TENM4: variants seen among roughly 807,000 people sequenced by gnomAD.
The protein encoded by TENM4 is teneurin transmembrane protein 4.
In TENM4, 82 loss-of-function variants were observed where a neutral mutation model predicts 243.3. That is an observed-to-expected ratio of 0.34 (90% CI 0.28 to 0.40). The LOEUF (loss-of-function observed/expected upper bound fraction) is 0.40. Ranked by LOEUF, TENM4 falls within the 10% of genes least tolerant of loss-of-function variation. The pLI, the probability that TENM4 is intolerant of heterozygous loss-of-function variation, is 1.00. For missense variants in TENM4, 3,138 were observed against 3,673.3 expected (o/e 0.85, Z 3.77); for synonymous variants, 1,412 against 1,456.3 (o/e 0.97, Z 0.69).
chr11:79,078,357 G>A (rs1393354104), intron 4 of TENM4, among the ~76,000 whole-genome samples: 2 of 152,182 alleles, frequency 1.3e-5, no homozygotes, highest in African/African-American at 2.4e-5. Context: ...TAGCATCTGT[G>A]TGTGTGTGTG....
At chr11:79,161,639 C>A (rs34472659) in intron 3 of TENM4, among the ~76,000 whole-genome samples, 26,136 of 152,160 alleles carry the variant, frequency 0.17, 2,722 homozygotes, top group Non-Finnish European at 0.23. Flanking sequence ...CTCTCAGAGC[C>A]TCCAGAAGGA....
At chr11:79,230,059 T>G (rs1864346509) in intron 2 of TENM4, among the ~76,000 whole-genome samples, 1 of 150,910 alleles carries the variant, frequency 6.6e-6, no homozygotes, top group Admixed American at 6.6e-5. Context: ...TGGTTCTACA[T>G]CCTTTACAGT....
Position 78,702,389 on chromosome 11 carries a change from C to A in TENM4, c.4224G>T (p.Trp1408Cys). 2 of 1,611,324 alleles carry A rather than the reference C, an allele frequency of 1.2e-6. No individual in the cohort carries two copies. The highest frequency in any genetic ancestry group is 1.7e-6 in the Non-Finnish European group (2 of 1,178,310). ...VMDISQVHLE[W>C]PTDLAINPMD... is the part of the protein sequence containing the mutation. ...TTGGGTTGATGGCTAAGTCTGTGGG[C>A]CACTCCAGGTGAACCTGACAATGAA... Residue 1408 changes from tryptophan (W) to cysteine (C), a missense_variant, in exon 28 of 34, where the codon TGG becomes TGT. This residue lies in a region of TENM4 where 2,467 missense variants were observed against 3,059.1 expected (regional missense o/e 0.81). Coordinates refer to ENST00000278550, the MANE Select transcript of TENM4 (RefSeq NM_001098816.3).
chr11:78,953,960 C>T (rs780846999), intron 6 of TENM4, among the ~76,000 whole-genome samples: 3 of 152,242 alleles, frequency 2.0e-5, no homozygotes, highest in Non-Finnish European at 2.9e-5. Context: ...CATTGCTCCA[C>T]ATTGTGCCAT....
At chr11:79,411,383 AG>A (rs1191867152) in intron 1 of TENM4, among the ~76,000 whole-genome samples, 3 of 152,228 alleles carry the variant, frequency 2.0e-5, no homozygotes, top group Non-Finnish European at 4.4e-5. Context: ...AAACTCTTCC[AG>A]GGGGTATTAT....
chr11:78,747,045 A>G (rs1297608511), intron 19 of TENM4, among the ~76,000 whole-genome samples: 1 of 152,188 alleles, frequency 6.6e-6, no homozygotes, highest in African/African-American at 2.4e-5. Context: ...AACGCAGCTA[A>G]GGGAGTCTGC....
intron 1 of TENM4, among the ~76,000 whole-genome samples, chr11:79,437,407 G>A (rs545239630): frequency 2.0e-4 from 31 of 152,224 alleles, no homozygotes; most frequent in Middle Eastern, 6.8e-3. Context: ...GCCGGGCCGG[G>A]GACGGGAGAA....
In TENM4 at chr11:79,343,770, C is replaced by T. The variant is rs376175719; in HGVS notation, c.-320-46227G>A. On this transcript the variant is annotated intron_variant, in intron 1 of 33. Transcript: ENST00000278550. Reference sequence around the variant, plus strand: ...CAGTACTAATTAGTTCTTGTCCTGGCACCCAATCAACAAGATGTTGAAGGT... The same window carrying T: ...CAGTACTAATTAGTTCTTGTCCTGGTACCCAATCAACAAGATGTTGAAGGT... 4.1e-3 allele frequency among the ~76,000 whole-genome samples: 621 copies of T among 152,314 alleles called. 2 individuals carry two copies. Among genetic ancestry groups the T allele is most frequent in the South Asian group, 7.3e-3 (35 of 4,822 alleles).
chr11:79,410,717 TA>T (rs1858681297), intron 1 of TENM4, among the ~76,000 whole-genome samples: 1 of 152,172 alleles, frequency 6.6e-6, no homozygotes, highest in African/African-American at 2.4e-5. Context: ...TTAGGAATAG[TA>T]TTGCCTGCCT....
At chr11:79,433,608 C>T (rs898751381) in intron 1 of TENM4, among the ~76,000 whole-genome samples, 14 of 152,098 alleles carry the variant, frequency 9.2e-5, no homozygotes, top group African/African-American at 3.4e-4. Flanking sequence ...AATGATTAAC[C>T]AATTGCCTCT....
intron 2 of TENM4, among the ~76,000 whole-genome samples, chr11:79,266,227 A>T (rs1046535487): frequency 2.0e-5 from 3 of 152,200 alleles, no homozygotes; most frequent in African/African-American, 7.2e-5. Context: ...GAATGGATAG[A>T]TCTCACGCAT....
intron 3 of TENM4, among the ~76,000 whole-genome samples, chr11:79,213,457 G>A (rs899965014): frequency 6.6e-6 from 1 of 152,180 alleles, no homozygotes; most frequent in Non-Finnish European, 1.5e-5. Flanking sequence ...CAGATGCTAT[G>A]GAGAAAGGTT....
At chr11:79,095,853 G>A (rs180755065) in intron 4 of TENM4, among the ~76,000 whole-genome samples, 80 of 152,342 alleles carry the variant, frequency 5.3e-4, no homozygotes, top group African/African-American at 1.9e-3. Context: ...CTCACAGATA[G>A]TAAGTAGCAG....
intron 1 of TENM4, among the ~76,000 whole-genome samples, chr11:79,372,766 C>G (rs1317119433): frequency 6.6e-6 from 1 of 152,138 alleles, no homozygotes; most frequent in Admixed American, 6.5e-5. Context: ...AGTAGGCACT[C>G]AATAAATATC....
rs138634603 is a variant in TENM4, at chr11:79,377,644, G to A, written c.-321+62865C>T. ...ACTTCTGTTCTCCCTTTTTTGTTAT[G>A]CAAATAAGTGTCAGTGCTAACCTAG... On this transcript the variant is annotated intron_variant, in intron 1 of 33. Coordinates refer to ENST00000278550, the MANE Select transcript of TENM4 (RefSeq NM_001098816.3). Among the ~76,000 whole-genome samples, 35 of 152,172 alleles carry A rather than the reference G, an allele frequency of 2.3e-4. 1 individual carries two copies. The highest frequency in any genetic ancestry group is 1.9e-3 in the East Asian group (10 of 5,182).
At chr11:79,403,378 C>T (rs1212156902) in intron 1 of TENM4, among the ~76,000 whole-genome samples, 1 of 152,158 alleles carries the variant, frequency 6.6e-6, no homozygotes, top group Non-Finnish European at 1.5e-5. Flanking sequence ...CTTTCAGGTA[C>T]ATTTTTATCT....
intron 1 of TENM4, among the ~76,000 whole-genome samples, chr11:79,344,355 A>C (rs551485514): frequency 1.3e-5 from 2 of 152,264 alleles, no homozygotes; most frequent in Admixed American, 1.3e-4. Context: ...TGAGGTGAGG[A>C]AGTCAGAGAA....
chr11:79,282,489 C>T (rs1368649660), intron 2 of TENM4, among the ~76,000 whole-genome samples: 1 of 152,222 alleles, frequency 6.6e-6, no homozygotes, highest in Non-Finnish European at 1.5e-5. Flanking sequence ...TGCAGAGAAA[C>T]TGCTGGCTTC....
At chr11:79,243,591 CAAG>C (rs1855462132) in intron 2 of TENM4, among the ~76,000 whole-genome samples, 1 of 152,120 alleles carries the variant, frequency 6.6e-6, no homozygotes, top group Non-Finnish European at 1.5e-5. Flanking sequence ...GGGAGGGCTG[CAAG>C]AACACAGCCA....
Sources: gnomAD v4.1 joint callset for allele counts (sites outside exome capture counted in the v4.1 genomes callset) on GRCh38, gnomAD v4.1.1 for gene constraint, gnomAD v4.1.1 regional missense constraint, MANE v1.5 for transcripts, NCBI Gene and HGNC (gene_info 2026-07-23, HGNC 2026-07-21) for gene names.